RPP21: variants seen among roughly 807,000 people sequenced by gnomAD.
RPP21 encodes ribonuclease P subunit p21.
Under a neutral mutation model 19.0 loss-of-function variants are expected in RPP21, and 21 were observed. That is an observed-to-expected ratio of 1.11 (90% CI 0.78 to 1.59). The LOEUF is 1.59. RPP21 is among the 40% of genes most tolerant of loss of function. The pLI is 0.00. For synonymous variants in RPP21, 93 were observed against 78.7 expected (o/e 1.18, Z -0.96); for missense variants, 215 against 200.2 (o/e 1.07, Z -0.45).
At chr6:30,345,769 C>T (rs1178727577) in intron 3 of RPP21, 196 bp downstream of exon 3, 5 of 563,132 alleles carry the variant, frequency 8.9e-6, no homozygotes, top group Admixed American at 8.2e-5. Flanking sequence ...GGTTTGGGCT[C>T]GGCTGTTTTT....
Position 30,346,743 on chromosome 6 carries a change from C to G in RPP21, c.398C>G (p.Thr133Arg). ...DSKPLQPLPNTAHSISDRLPE... is the reference protein window; with the variant it reads ...DSKPLQPLPNRAHSISDRLPE... ...AAACCACTACAACCCTTGCCAAACA[C>G]AGCCCACTCCATTTCAGACCGCCTT... Residue 133 changes from threonine (T) to arginine (R), a missense_variant, in exon 5 of 5, where the codon ACA (threonine) becomes AGA (arginine). Coordinates refer to ENST00000442966, the MANE Select transcript of RPP21 (RefSeq NM_024839.4). The surrounding 1 kb of genome is among the most constrained non-coding windows in gnomAD (Gnocchi z 4.7). The G allele has an allele frequency of 6.2e-7, 1 of 1,613,380 alleles. No homozygotes were observed. Among genetic ancestry groups the G allele is most frequent in the Non-Finnish European group, 8.5e-7 (1 of 1,180,032 alleles).
chr6:30,346,443 C>T lies in RPP21; in HGVS notation c.253C>T (p.Gln85Ter). The T allele has an allele frequency of 6.2e-6, 10 of 1,613,762 alleles. No homozygotes were observed. The highest frequency in any genetic ancestry group is 8.5e-6 in the Non-Finnish European group (10 of 1,179,824). Residue 85 changes from glutamine to a stop codon, truncating the protein, a stop_gained, in exon 4 of 5, where the codon CAG becomes TAG. Coordinates refer to ENST00000442966, the MANE Select transcript of RPP21 (RefSeq NM_024839.4). LOFTEE classifies it high-confidence loss of function. The surrounding 1 kb of genome is among the most constrained non-coding windows in gnomAD (Gnocchi z 4.7). ...CATGTTCACCCTAGGCTGCAGGGGA[C>T]AGCGCTGGACCGTACAGACCTGCCT... Reference protein sequence around the residue: ...CTQRQRRCRGQRWTVQTCLTC... With the variant: ...CTQRQRRCRG
intron 1 of RPP21, 29 bp from the exon 2 acceptor site, chr6:30,345,269 G>A (rs1339129857): frequency 1.1e-5 from 18 of 1,613,326 alleles, no homozygotes; most frequent in Non-Finnish European, 1.5e-5. Context: ...GGTGCTCGGC[G>A]TCCCAGAGTG....
In RPP21 at chr6:30,345,488, C is replaced by T; in HGVS notation, c.159-3C>T. The T allele has an allele frequency of 2.5e-6, 4 of 1,609,294 alleles. No individual in the cohort carries two copies. Among genetic ancestry groups the T allele is most frequent in the Non-Finnish European group, 3.4e-6 (4 of 1,178,028 alleles). ...CCAGACCACTATCCTCCTCCGCCCC[C>T]AGGGATCCCTCGGTGAAGAGGACTC... On this transcript the variant is annotated splice_region_variant and splice_polypyrimidine_tract_variant and intron_variant, in intron 2 of 4. Transcript: ENST00000442966.
intron 3 of RPP21, chr6:30,345,955 A>G (rs1788116891): frequency 1.2e-5 from 3 of 245,996 alleles, no homozygotes; most frequent in Non-Finnish European, 1.6e-5. Context: ...CATTATTCTC[A>G]TTGAAATTAC....
In RPP21 at chr6:30,346,822, C is replaced by A. The variant is rs1198375850; in HGVS notation, c.*12C>A. On this transcript the variant is annotated 3_prime_UTR_variant, in exon 5 of 5. Transcript: ENST00000442966. This position sits in a 1 kb window ranked among gnomAD's most constrained non-coding sequence, Gnocchi z 4.7. ...CCAGTAACCAGTGATGGATTCACCC[C>A]ATCTCCCAAATAAAGTTTACTTGTT... 3 of 1,612,694 alleles carry A rather than the reference C, an allele frequency of 1.9e-6. No homozygotes were observed. Among genetic ancestry groups the A allele is most frequent in the Non-Finnish European group, 2.5e-6 (3 of 1,179,698 alleles).
intron 3 of RPP21, 98 bp downstream of exon 3, chr6:30,345,671 A>T (rs1230935451): frequency 7.6e-7 from 1 of 1,310,896 alleles, no homozygotes; most frequent in East Asian, 2.6e-5. Flanking sequence ...CGCCTTTCTC[A>T]CTGTAGATGG....
At position 30,346,506 on chromosome 6, in the gene RPP21, G is replaced by T; in HGVS notation, c.316G>T (p.Gly106Trp). The T allele has an allele frequency of 3.7e-6, 6 of 1,614,030 alleles. No homozygotes were observed. The South Asian group carries it at 6.6e-5, about 18-fold the overall frequency. The change falls in exon 4 of 5, where the codon GGG becomes TGG. Residue 106 changes from glycine to tryptophan, a missense_variant. Gly to Trp is a radical substitution (Grantham distance 184). Transcript: ENST00000442966. The surrounding 1 kb of genome is among the most constrained non-coding windows in gnomAD (Gnocchi z 4.7). ...CAGCCAACGCTTCCTCAATGATCCC[G>T]GGCATTTACTCTGGGGAGACAGGCC... ...QRSQRFLNDPGHLLWGDRPEA... is the reference protein window; with the variant it reads ...QRSQRFLNDPWHLLWGDRPEA...
chr6:30,346,121 A>G lies in RPP21; in HGVS notation c.242-311A>G, dbSNP rs1788131236. ...AGGCATGTGTGCAGACTCTGAGACAAGAGAGCTTGTGGTGCTGTCAAAGAA... is the reference window on the plus strand; with the variant it reads ...AGGCATGTGTGCAGACTCTGAGACAGGAGAGCTTGTGGTGCTGTCAAAGAA... On this transcript the variant is annotated intron_variant, in intron 3 of 4. Coordinates refer to ENST00000442966, the MANE Select transcript of RPP21 (RefSeq NM_024839.4). This position sits in a 1 kb window ranked among gnomAD's most constrained non-coding sequence, Gnocchi z 4.7. 1 of 335,160 alleles carries G rather than the reference A, an allele frequency of 3.0e-6. No homozygotes were observed. The highest frequency in any genetic ancestry group is 5.0e-5 in the South Asian group (1 of 19,918). 20.8% of individuals were successfully genotyped at this position (335,160 alleles called of 1,614,324 possible).
intron 2 of RPP21, 26 bp downstream of exon 2, chr6:30,345,424 G>T (rs748762368): frequency 6.2e-7 from 1 of 1,608,114 alleles, no homozygotes; most frequent in African/African-American, 1.4e-5. Context: ...GGCGGGCGGC[G>T]GGCGGGACGC....
intron 3 of RPP21, 56 bp downstream of exon 3, chr6:30,345,629 C>T: frequency 6.2e-6 from 1 of 160,106 alleles, no homozygotes; most frequent in Non-Finnish European, 1.1e-5. Flanking sequence ...CGGAGGGGGG[C>T]GGGGTGGGGG....
rs1787993401 is a variant in RPP21, at chr6:30,345,318, C to T, written c.78C>T (p.Ala26=). 3.1e-6 allele frequency: 5 copies of T among 1,613,728 alleles called. No homozygotes were observed. The highest frequency in any genetic ancestry group is 3.4e-6 in the Non-Finnish European group (4 of 1,179,930). Residue 26 remains alanine, a synonymous_variant, in exon 2 of 5, where the codon GCC becomes GCT. Transcript: ENST00000442966. ...CGCAGGCCGCCCATTGTGTCCTTGC[C>T]CAGGACCCCGAGAACCAGGCGCTGG... is the stretch of plus-strand genomic sequence containing the variant. The part of the protein sequence containing the change: ...FLYQAAHCVL[A]QDPENQALAR...
Position 30,346,588 on chromosome 6 carries a change from C to T in RPP21, c.367+31C>T. On this transcript the variant is annotated intron_variant, in intron 4 of 4. Transcript: ENST00000442966. This position sits in a 1 kb window ranked among gnomAD's most constrained non-coding sequence, Gnocchi z 4.7. The stretch of plus-strand genomic sequence containing the variant: ...AGGTGAGGGAGAAAATGGAGGACAC[C>T]CCAGAGGATAGGGACAATGGAGAAC... 6.2e-7 allele frequency: 1 copy of T among 1,613,930 alleles called. No individual in the cohort carries two copies. The highest frequency in any genetic ancestry group is 8.5e-7 in the Non-Finnish European group (1 of 1,179,970).
chr6:30,345,828 A>C (rs574828851), intron 3 of RPP21: 1 of 488,508 alleles, frequency 2.0e-6, no homozygotes, highest in Non-Finnish European at 3.6e-6. Context: ...TTAAGAGGCA[A>C]CCCCACCCAT....
In RPP21 at chr6:30,346,257, G is replaced by C; in HGVS notation, c.242-175G>C. ...TAGGGAGTTTGAACTTTATCTTAAA[G>C]AGTTCCAGGAAATCGATGGAGCTTA... On this transcript the variant is annotated intron_variant, in intron 3 of 4. Coordinates refer to ENST00000442966, the MANE Select transcript of RPP21 (RefSeq NM_024839.4). The surrounding 1 kb of genome is among the most constrained non-coding windows in gnomAD (Gnocchi z 4.7). The C allele has an allele frequency of 8.9e-7, 1 of 1,124,800 alleles. No homozygotes were observed. 69.7% of individuals were successfully genotyped at this position (1,124,800 alleles called of 1,614,324 possible).
rs766329632 is a variant in RPP21, at chr6:30,346,471, C to T, written c.281C>T (p.Thr94Ile). ...CGCTGGACCGTACAGACCTGCCTAA[C>T]ATGCCAGCGCAGCCAACGCTTCCTC... ...GQRWTVQTCL[T>I]CQRSQRFLND... is the part of the protein sequence containing the mutation. The change falls in exon 4 of 5, where the codon ACA becomes ATA. Residue 94 changes from threonine to isoleucine, a missense_variant. Coordinates refer to ENST00000442966, the MANE Select transcript of RPP21 (RefSeq NM_024839.4). This position sits in a 1 kb window ranked among gnomAD's most constrained non-coding sequence, Gnocchi z 4.7. 6.2e-7 allele frequency: 1 copy of T among 1,614,148 alleles called. No homozygotes were observed. Among genetic ancestry groups the T allele is most frequent in the South Asian group, 1.1e-5 (1 of 91,082 alleles).
In RPP21 at chr6:30,345,500, G is replaced by C; in HGVS notation, c.168G>C (p.Ser56=). The change falls in exon 3 of 5, where the codon TCG becomes TCC. Residue 56 remains serine, a synonymous_variant. Transcript: ENST00000442966. ...CCTCCTCCGCCCCCAGGGATCCCTCGGTGAAGAGGACTCTCTGTCGAGGCT... is the reference window on the plus strand; with the variant it reads ...CCTCCTCCGCCCCCAGGGATCCCTCCGTGAAGAGGACTCTCTGTCGAGGCT... The part of the protein sequence containing the change: ...AKRLVLRRDP[S]VKRTLCRGCS... The C allele has an allele frequency of 6.2e-7, 1 of 1,606,190 alleles. No homozygotes were observed. The highest frequency in any genetic ancestry group is 8.5e-7 in the Non-Finnish European group (1 of 1,176,284).
In RPP21 at chr6:30,346,840, T is replaced by C; in HGVS notation, c.*30T>C. On this transcript the variant is annotated 3_prime_UTR_variant, in exon 5 of 5. Transcript: ENST00000442966. The surrounding 1 kb of genome is among the most constrained non-coding windows in gnomAD (Gnocchi z 4.7). ...TTCACCCCATCTCCCAAATAAAGTT[T>C]ACTTGTTTTACATTCCATGATTCTG... 6.2e-7 allele frequency: 1 copy of C among 1,610,002 alleles called. No homozygotes were observed. Among genetic ancestry groups the C allele is most frequent in the Non-Finnish European group, 8.5e-7 (1 of 1,177,478 alleles).
intron 3 of RPP21, 46 bp downstream of exon 3, chr6:30,345,619 C>T: frequency 1.4e-5 from 3 of 211,522 alleles, no homozygotes; most frequent in South Asian, 5.4e-5. Context: ...ATTGGGGGCG[C>T]GGAGGGGGGC....
Sources: allele counts gnomAD v4.1 joint callset, GRCh38; gene constraint gnomAD v4.1.1; non-coding constraint Gnocchi (gnomAD v3.1); transcripts MANE v1.5; gene names NCBI Gene and HGNC (gene_info 2026-07-23, HGNC 2026-07-21).